Variants in GABRB1 observed in about 807,000 individuals in gnomAD.
The protein encoded by GABRB1 is gamma-aminobutyric acid type A receptor subunit beta1.
GABRB1 carries 17 observed loss-of-function variants against 51.6 expected under a neutral mutation model. The ratio of observed to expected loss-of-function variants is 0.33; its 90% CI spans 0.23 to 0.49. GABRB1 has a LOEUF of 0.49. Ranked by LOEUF, GABRB1 falls within the 20% of genes least tolerant of loss-of-function variation. The probability of loss-of-function intolerance (pLI) is 0.99; values close to 1 mark genes in which losing one functional copy is unlikely to be tolerated. For missense variants in GABRB1, 410 were observed against 600.6 expected, an observed-to-expected ratio of 0.68 and a Z score of 3.32; for synonymous variants, 247 against 218.9, an observed-to-expected ratio of 1.13 and a Z score of -1.14.
At chr4:47,096,203 C>G (rs2109597084) in intron 3 of GABRB1, among the ~76,000 whole-genome samples, 1 of 152,270 alleles carries the variant, frequency 6.6e-6, no homozygotes, top group East Asian at 1.9e-4. Context: ...GCTTTCCAAA[C>G]CCTATATTGC....
intron 4 of GABRB1, among the ~76,000 whole-genome samples, chr4:47,300,676 G>C (rs559881923): frequency 1.1e-3 from 174 of 151,834 alleles, no homozygotes; most frequent in African/African-American, 3.9e-3. Context: ...TATATTTATG[G>C]GGTACATGAG....
At chr4:47,274,513 G>A (rs547702870) in intron 4 of GABRB1, among the ~76,000 whole-genome samples, 7 of 152,072 alleles carry the variant, frequency 4.6e-5, no homozygotes, top group Non-Finnish European at 1.0e-4. Context: ...TGAGCTATTG[G>A]ACATAGAAGA....
chr4:47,004,406 C>T (rs1724324991), intron 1 of GABRB1, among the ~76,000 whole-genome samples: 1 of 152,072 alleles, frequency 6.6e-6, no homozygotes, highest in African/African-American at 2.4e-5. Context: ...GCATGATGAG[C>T]AATAGAGCAT....
At chr4:47,413,020 T>G (rs1004150815) in intron 8 of GABRB1, among the ~76,000 whole-genome samples, 9 of 152,366 alleles carry the variant, frequency 5.9e-5, no homozygotes, top group Admixed American at 5.2e-4. Context: ...AAAGGGAAGA[T>G]GGAGCCTTCA....
chr4:47,277,654 A>T (rs1349150809), intron 4 of GABRB1, among the ~76,000 whole-genome samples: 2 of 152,144 alleles, frequency 1.3e-5, no homozygotes, highest in South Asian at 2.1e-4. Context: ...CCACAAAAAA[A>T]ATTTTTTAAT....
chr4:47,032,157 CA>C, intron 2 of GABRB1, 152 bp downstream of exon 2: 2 of 686,494 alleles, frequency 2.9e-6, no homozygotes, highest in Admixed American at 2.7e-5. Flanking sequence ...CACACACACA[CA>C]CACCCCGGGT....
chr4:47,115,207 C>A (rs1482444092), intron 3 of GABRB1, among the ~76,000 whole-genome samples: 5 of 152,148 alleles, frequency 3.3e-5, no homozygotes, highest in Non-Finnish European at 7.4e-5. Flanking sequence ...GCTAATACAT[C>A]TAAAATGGAA....
chr4:47,023,128 A>T (rs1400303768), intron 1 of GABRB1, among the ~76,000 whole-genome samples: 1 of 152,026 alleles, frequency 6.6e-6, no homozygotes, highest in Non-Finnish European at 1.5e-5. Flanking sequence ...AAATCAAAGC[A>T]ATTGAACTCA....
At chr4:47,064,671 GA>G (rs1247441983) in intron 3 of GABRB1, among the ~76,000 whole-genome samples, 30 of 138,972 alleles carry the variant, frequency 2.2e-4, no homozygotes, top group Non-Finnish European at 4.6e-4. Context: ...AAAGAGAAAA[GA>G]AAAGAAAAGC....
chr4:47,339,540 T>C (rs1725808976), intron 5 of GABRB1, among the ~76,000 whole-genome samples: 1 of 117,996 alleles, frequency 8.5e-6, no homozygotes. Flanking sequence ...TATGTGTGCA[T>C]ATGTGTGTGT....
chr4:47,293,274 T>G (rs1349868040), intron 4 of GABRB1, among the ~76,000 whole-genome samples: 1 of 152,148 alleles, frequency 6.6e-6, no homozygotes, highest in Non-Finnish European at 1.5e-5. Flanking sequence ...CCCAAGTAGC[T>G]GGGATTACAG....
chr4:47,151,013 G>T (rs1199484357), intron 3 of GABRB1, among the ~76,000 whole-genome samples: 1 of 151,858 alleles, frequency 6.6e-6, no homozygotes, highest in Non-Finnish European at 1.5e-5. Flanking sequence ...TTATAATCAG[G>T]CTATTCATTC....
chr4:47,315,754 G>A (rs1472862311), intron 4 of GABRB1, among the ~76,000 whole-genome samples: 1 of 151,766 alleles, frequency 6.6e-6, no homozygotes, highest in African/African-American at 2.4e-5. Flanking sequence ...GGTGGCAGCC[G>A]TTAGCCTAAG....
intron 4 of GABRB1, among the ~76,000 whole-genome samples, chr4:47,311,600 C>T (rs939467803): frequency 6.6e-6 from 1 of 152,022 alleles, no homozygotes; most frequent in African/African-American, 2.4e-5. Flanking sequence ...AATAAGTTCT[C>T]CCTTAGAGCC....
intron 3 of GABRB1, among the ~76,000 whole-genome samples, chr4:47,048,251 G>C (rs528878275): frequency 6.6e-6 from 1 of 152,068 alleles, no homozygotes; most frequent in South Asian, 2.1e-4. Flanking sequence ...CCCTGGGCTA[G>C]GCCATTATGA....
At chr4:47,149,760 C>T (rs577205204) in intron 3 of GABRB1, among the ~76,000 whole-genome samples, 1 of 40,174 alleles carries the variant, frequency 2.5e-5, no homozygotes, top group East Asian at 6.4e-4. Context: ...TTAATATTCT[C>T]AAATCATTTT....
intron 3 of GABRB1, among the ~76,000 whole-genome samples, chr4:47,143,589 T>C (rs1222693435): frequency 6.6e-6 from 1 of 151,924 alleles, no homozygotes; most frequent in South Asian, 2.1e-4. Context: ...GGTGCTTAGA[T>C]GGAGAAGTGT....
chr4:47,023,534 T>C (rs191513621), intron 1 of GABRB1, among the ~76,000 whole-genome samples: 7 of 152,188 alleles, frequency 4.6e-5, no homozygotes, highest in Non-Finnish European at 8.8e-5. Flanking sequence ...GCAGTTTGTT[T>C]ATAGGTATAT....
At chr4:47,203,574 C>A (rs1344943022) in intron 4 of GABRB1, among the ~76,000 whole-genome samples, 1 of 152,016 alleles carries the variant, frequency 6.6e-6, no homozygotes, top group East Asian at 1.9e-4. Flanking sequence ...GATAGAAATA[C>A]CTCTTTCTGC....
Sources: gnomAD v4.1 joint callset for allele counts (sites outside exome capture counted in the v4.1 genomes callset) on GRCh38, gnomAD v4.1.1 for gene constraint, MANE v1.5 for transcripts, NCBI Gene and HGNC (gene_info 2026-07-23, HGNC 2026-07-21) for gene names.